MBP: variants seen among roughly 807,000 people sequenced by gnomAD.
MBP encodes myelin basic protein.
In MBP, 16 loss-of-function variants were observed where a neutral mutation model predicts 35.8. The observed-to-expected ratio is 0.45, with a 90% confidence interval of 0.30 to 0.68. MBP has a LOEUF of 0.68. MBP is among the 30% of genes least tolerant of loss of function. The pLI is 0.08. For missense variants in MBP, 380 were observed against 404.7 expected, an observed-to-expected ratio of 0.94 and a Z score of 0.52; for synonymous variants, 143 against 159.6, an observed-to-expected ratio of 0.90 and a Z score of 0.78.
intron 3 of MBP, among the ~76,000 whole-genome samples, chr18:77,030,876 C>T (rs1256538893): frequency 2.0e-5 from 3 of 152,182 alleles, no homozygotes; most frequent in Non-Finnish European, 4.4e-5. Flanking sequence ...CAGACCTTCT[C>T]TTATGGGGAC....
At chr18:77,068,450 C>T (rs1221594131) in intron 2 of MBP, among the ~76,000 whole-genome samples, 2 of 152,174 alleles carry the variant, frequency 1.3e-5, no homozygotes, top group Admixed American at 1.3e-4. Flanking sequence ...ATCTTGGAAC[C>T]ACCACACATC....
intron 3 of MBP, among the ~76,000 whole-genome samples, chr18:77,037,852 G>A (rs1355432338): frequency 1.3e-5 from 2 of 152,336 alleles, no homozygotes; most frequent in South Asian, 2.1e-4. Context: ...ACGGGCCTCC[G>A]AACAGGCCTC....
In MBP at chr18:77,130,046, C is replaced by CAAA. The variant is rs35240388; in HGVS notation, c.-26+2531_-26+2533dup. ...CCTGGGTGACAGAGCAAGACTCTGT[C>CAAA]AAAAAAAAAAAAAAGAAAAAGAAAA... On this transcript the variant is annotated intron_variant, in intron 1 of 8. Coordinates refer to ENST00000355994, the MANE Select transcript of MBP (RefSeq NM_001025101.2). 3.3e-3 allele frequency among the ~76,000 whole-genome samples: 424 copies of CAAA among 129,334 alleles called. 5 individuals are homozygous for CAAA. Among genetic ancestry groups the CAAA allele is most frequent in the African/African-American group, 0.012 (380 of 32,408 alleles). The allele number at this position is 129,334 out of a possible 152,430, so 84.8% of individuals were successfully genotyped here. A position where few individuals can be genotyped will look rare whatever the true frequency, so the allele number is the denominator to read the frequency against.
intron 4 of MBP, among the ~76,000 whole-genome samples, chr18:77,011,027 A>G (rs142985723): frequency 6.6e-6 from 1 of 152,330 alleles, no homozygotes; most frequent in East Asian, 1.9e-4. Context: ...ATGAGAATAG[A>G]GTAGTTCCGA....
chr18:77,060,907 G>C (rs1297608141), intron 3 of MBP, among the ~76,000 whole-genome samples: 2 of 152,218 alleles, frequency 1.3e-5, no homozygotes, highest in African/African-American at 2.4e-5. Context: ...CTGTTTCCCA[G>C]GTGGAGTCTG....
intron 2 of MBP, among the ~76,000 whole-genome samples, chr18:77,072,122 G>A (rs1373682016): frequency 1.3e-5 from 2 of 152,106 alleles, no homozygotes; most frequent in Non-Finnish European, 2.9e-5. Flanking sequence ...GGCCTTTGAA[G>A]GCTCAGGATC....
At chr18:77,074,046 C>T (rs113246071) in intron 2 of MBP, among the ~76,000 whole-genome samples, 6 of 152,192 alleles carry the variant, frequency 3.9e-5, no homozygotes, top group African/African-American at 1.4e-4. Context: ...CTCACAGGGT[C>T]CTTAGCTCAG....
intron 2 of MBP, among the ~76,000 whole-genome samples, chr18:77,097,833 G>C (rs1235585359): frequency 6.6e-6 from 1 of 152,184 alleles, no homozygotes; most frequent in Non-Finnish European, 1.5e-5. Flanking sequence ...GCCGGTATTA[G>C]GGGGACACCT....
chr18:77,022,985 GATCT>G (rs1173430999), intron 3 of MBP, among the ~76,000 whole-genome samples: 1 of 152,232 alleles, frequency 6.6e-6, no homozygotes, highest in Non-Finnish European at 1.5e-5. Flanking sequence ...GAAACATGCA[GATCT>G]ACATTTTCCA....
chr18:77,130,561 C>T (rs951961298), intron 1 of MBP, among the ~76,000 whole-genome samples: 1 of 151,840 alleles, frequency 6.6e-6, no homozygotes, highest in Non-Finnish European at 1.5e-5. Flanking sequence ...GGCAGCTGCT[C>T]ATCTTAAGCA....
At chr18:77,107,603 A>G (rs1414464788) in intron 1 of MBP, among the ~76,000 whole-genome samples, 1 of 152,168 alleles carries the variant, frequency 6.6e-6, no homozygotes. Context: ...CGCAGCTGAA[A>G]TCTGTCCACA....
In MBP at chr18:77,131,101, ACACACACACACACACACACC is replaced by A. The variant is rs1400157063; in HGVS notation, c.-26+1459_-26+1478del. Among the ~76,000 whole-genome samples, 32 of 140,560 alleles carry A rather than the reference ACACACACACACACACACACC, an allele frequency of 2.3e-4. No homozygotes were observed. The highest frequency in any genetic ancestry group is 3.2e-4 in the Non-Finnish European group (20 of 63,438). 92.2% of individuals were successfully genotyped at this position (140,560 alleles called of 152,430 possible). On this transcript the variant is annotated intron_variant, in intron 1 of 8. Coordinates refer to ENST00000355994, the MANE Select transcript of MBP (RefSeq NM_001025101.2). This position sits in a 1 kb window ranked among gnomAD's most constrained non-coding sequence, Gnocchi z 5.5. ...CACGCACGCGCACACACACACACAC[ACACACACACACACACACACC>A]CCCTCTGCCGCGGTACCCTTCCCCT...
chr18:77,012,247 T>C (rs1971395539), intron 4 of MBP, among the ~76,000 whole-genome samples: 1 of 152,182 alleles, frequency 6.6e-6, no homozygotes, highest in Admixed American at 6.6e-5. Flanking sequence ...TGTCTCGAGG[T>C]TCCCATGACC....
At chr18:77,088,096 C>A (rs969852802) in intron 2 of MBP, among the ~76,000 whole-genome samples, 1 of 152,176 alleles carries the variant, frequency 6.6e-6, no homozygotes, top group Non-Finnish European at 1.5e-5. Context: ...ACAGCAGAGA[C>A]CCTGGCCACG....
intron 3 of MBP, among the ~76,000 whole-genome samples, chr18:77,025,708 T>TTTTTTTTTTTTTTTTTTC (rs1972190073): frequency 6.9e-6 from 1 of 144,604 alleles, no homozygotes; most frequent in African/African-American, 2.6e-5. Flanking sequence ...TGAAATACTT[T>TTTTTTTTTTTTTTTTTTC]TTTTTTTTTT....
At chr18:77,052,818 G>A (rs1032656316) in intron 3 of MBP, among the ~76,000 whole-genome samples, 3 of 152,070 alleles carry the variant, frequency 2.0e-5, no homozygotes, top group African/African-American at 7.2e-5. Flanking sequence ...GAGTCCCCGA[G>A]CCCCCACTCC....
At chr18:77,017,913 C>A (rs1451587586) in intron 3 of MBP, 1 of 152,194 alleles carries the variant, frequency 6.6e-6, no homozygotes, top group Non-Finnish European at 1.5e-5. Flanking sequence ...ATGTTGTATA[C>A]CAGCATCTCA....
intron 3 of MBP, among the ~76,000 whole-genome samples, chr18:77,056,065 C>T (rs1171376311): frequency 6.6e-6 from 1 of 152,254 alleles, no homozygotes; most frequent in East Asian, 1.9e-4. Context: ...GCAGGCAGCA[C>T]CTGGGTGCAT....
Position 76,986,913 on chromosome 18 carries a change from C to T in MBP, c.750+1582G>A, listed in dbSNP as rs1031079142. ...GGGGAACCTAGAATGTACCAGGAAA[C>T]ACACAACACAGCTTAGAAAGAGAAA... On this transcript the variant is annotated intron_variant, in intron 7 of 8. Transcript: ENST00000355994. 4 of 985,426 alleles carry T rather than the reference C, an allele frequency of 4.1e-6. No homozygotes were observed. The African/African-American group carries it at 5.2e-5, about 13-fold the overall frequency. The allele number at this position is 985,426 out of a possible 1,614,324, so 61.0% of individuals were successfully genotyped here.
Sources: allele counts gnomAD v4.1 joint callset (sites outside exome capture counted in the v4.1 genomes callset), GRCh38; gene constraint gnomAD v4.1.1; non-coding constraint Gnocchi (gnomAD v3.1); transcripts MANE v1.5; gene names NCBI Gene and HGNC (gene_info 2026-07-23, HGNC 2026-07-21).